FNDC1: variants seen among roughly 807,000 people sequenced by gnomAD.
FNDC1 encodes fibronectin type III domain containing 1.
FNDC1 carries 96 observed loss-of-function variants against 168.0 expected under a neutral mutation model. The observed-to-expected ratio is 0.57, with a 90% CI of 0.48 to 0.68. The LOEUF (loss-of-function observed/expected upper bound fraction) is 0.68, where lower values mean the gene tolerates loss of function less well. FNDC1 is among the 30% of genes least tolerant of loss of function. The pLI, the probability that FNDC1 is intolerant of heterozygous loss-of-function variation, is 0.00. For synonymous variants in FNDC1, 1,099 were observed against 1,025.9 expected (o/e 1.07, Z -1.36); for missense variants, 2,587 against 2,482.1 (o/e 1.04, Z -0.90).
rs1283200757 is a variant in FNDC1, at chr6:159,232,467, G to T, written c.1955G>T (p.Arg652Leu). Reference protein sequence around the residue: ...NDLVDSDEDERAVGSLHPKGA... With the variant: ...NDLVDSDEDELAVGSLHPKGA... ...TTGGTGGACTCAGACGAAGATGAGC[G>T]CGCTGTGGGCTCCCTCCACCCCAAG... is the stretch of plus-strand genomic sequence containing the variant. The change falls in exon 11 of 23, where the codon CGC becomes CTC. Residue 652 changes from arginine to leucine, a missense_variant. Arg to Leu is a moderately radical substitution (Grantham distance 102). Coordinates refer to ENST00000297267, the MANE Select transcript of FNDC1 (RefSeq NM_032532.3). This position sits in a 1 kb window ranked among gnomAD's most constrained non-coding sequence, Gnocchi z 4.9. The T allele has an allele frequency of 6.2e-7, 1 of 1,612,248 alleles. No individual in the cohort carries two copies. Among genetic ancestry groups the T allele is most frequent in the Non-Finnish European group, 8.5e-7 (1 of 1,179,008 alleles).
chr6:159,248,761 T>G (rs1777191656), intron 15 of FNDC1, among the ~76,000 whole-genome samples: 2 of 152,212 alleles, frequency 1.3e-5, no homozygotes, highest in Admixed American at 6.5e-5. Context: ...CAGCTCTGAG[T>G]CTAAAACCCC....
At chr6:159,238,166 C>T (rs1583900683) in intron 12 of FNDC1, among the ~76,000 whole-genome samples, 1 of 150,920 alleles carries the variant, frequency 6.6e-6, no homozygotes, top group Non-Finnish European at 1.5e-5. Flanking sequence ...GGCGCGATCT[C>T]GGCTCACTGC....
intron 5 of FNDC1, 29 bp downstream of exon 5, chr6:159,215,180 G>A: frequency 6.3e-7 from 1 of 1,584,814 alleles, no homozygotes; most frequent in Non-Finnish European, 8.7e-7. Context: ...GGTATTCAAT[G>A]TTTCCATGGT....
In FNDC1 at chr6:159,233,705, C is replaced by T. The variant is rs201839960; in HGVS notation, c.3193C>T (p.Pro1065Ser). 83 of 1,549,804 alleles carry T rather than the reference C, an allele frequency of 5.4e-5. No individual in the cohort carries two copies. In the East Asian group the frequency reaches 1.3e-3, roughly 25 times the overall value. The stretch of plus-strand genomic sequence containing the variant: ...CACGGCGAGCTCCAGAGGGATGCTC[C>T]CCACGGCCCTCCAGAACCAGGACGA... ...PYTASSRGML[P>S]TALQNQDEDA... is the part of the protein sequence containing the mutation. Residue 1065 changes from proline (P) to serine (S), a missense_variant, in exon 11 of 23, where the codon CCC becomes TCC. By Grantham distance (74) the Pro-to-Ser change is moderately conservative. Transcript: ENST00000297267. The surrounding 1 kb of genome is among the most constrained non-coding windows in gnomAD (Gnocchi z 4.6).
At chr6:159,183,491 G>A (rs1781925282) in intron 1 of FNDC1, among the ~76,000 whole-genome samples, 1 of 152,230 alleles carries the variant, frequency 6.6e-6, no homozygotes, top group South Asian at 2.1e-4. Flanking sequence ...GGGGAAGCCA[G>A]GCTGGAGTTG....
At chr6:159,243,995 A>G (rs758106253) in intron 14 of FNDC1, among the ~76,000 whole-genome samples, 2 of 152,216 alleles carry the variant, frequency 1.3e-5, no homozygotes, top group East Asian at 1.9e-4. Context: ...GGAGTTACCC[A>G]TAACACCAGA....
chr6:159,221,400 A>G (rs1032734493), intron 5 of FNDC1, among the ~76,000 whole-genome samples, 198 bp from the exon 6 acceptor site: 8 of 152,198 alleles, frequency 5.3e-5, no homozygotes, highest in African/African-American at 1.9e-4. Flanking sequence ...CTAACATAAT[A>G]GTGTTCTTTT....
At chr6:159,234,567 G>A (rs905299061) in intron 11 of FNDC1, 88 bp downstream of exon 11, 15 of 1,204,476 alleles carry the variant, frequency 1.2e-5, no homozygotes, top group Non-Finnish European at 1.7e-5. Flanking sequence ...ATTGCATTTA[G>A]CACCTACTAT....
chr6:159,171,597 A>T (rs989743631), intron 1 of FNDC1, among the ~76,000 whole-genome samples: 11 of 152,226 alleles, frequency 7.2e-5, no homozygotes, highest in Non-Finnish European at 1.2e-4. Flanking sequence ...TGCTTAAAGC[A>T]GGACACACTG....
chr6:159,176,008 C>T (rs182572848), intron 1 of FNDC1, among the ~76,000 whole-genome samples: 44 of 152,306 alleles, frequency 2.9e-4, no homozygotes, highest in African/African-American at 9.1e-4. Context: ...ATGCTCACAG[C>T]GTTAAAGTGT....
At chr6:159,241,064 A>T (rs918197597) in intron 14 of FNDC1, 3 of 152,210 alleles carry the variant, frequency 2.0e-5, no homozygotes, top group African/African-American at 7.2e-5. Flanking sequence ...GGAAAACTTG[A>T]CACATCTAAA....
chr6:159,210,368 A>G (rs939846985), intron 4 of FNDC1, among the ~76,000 whole-genome samples: 1 of 152,156 alleles, frequency 6.6e-6, no homozygotes, highest in African/African-American at 2.4e-5. Flanking sequence ...ATGTTCCCTT[A>G]GCCTTTCTGA....
chr6:159,216,274 C>A (rs1370652445), intron 5 of FNDC1, among the ~76,000 whole-genome samples: 3 of 152,214 alleles, frequency 2.0e-5, no homozygotes, highest in Non-Finnish European at 4.4e-5. Flanking sequence ...TACTTTGTAT[C>A]CTTTAATCCA....
In FNDC1 at chr6:159,234,414, G is replaced by C. The variant is rs1207455696; in HGVS notation, c.3902G>C (p.Arg1301Thr). 3 of 1,613,556 alleles carry C rather than the reference G, an allele frequency of 1.9e-6. No individual in the cohort carries two copies. In the African/African-American group the frequency reaches 4.0e-5, roughly 22 times the overall value. ...STTPMLSLRQ[R>T]MMHARFRNPL... ...ACCCCGATGCTGTCCTTGCGCCAGAGGATGATGCATGCCAGATTCCGTAAC... is the reference window on the plus strand; with the variant it reads ...ACCCCGATGCTGTCCTTGCGCCAGACGATGATGCATGCCAGATTCCGTAAC... The change falls in exon 11 of 23, where the codon AGG (arginine) becomes ACG (threonine). Residue 1301 changes from arginine (R) to threonine (T), a missense_variant. Transcript: ENST00000297267.
Position 159,271,398 on chromosome 6 carries a change from G to A in FNDC1, c.5641G>A (p.Val1881Met), listed in dbSNP as rs1777745342. 3.1e-6 allele frequency: 5 copies of A among 1,612,442 alleles called. No homozygotes were observed. Among genetic ancestry groups the A allele is most frequent in the Admixed American group, 1.7e-5 (1 of 59,864 alleles). The change falls in exon 23 of 23, where the codon GTG (valine) becomes ATG (methionine). Residue 1881 changes from valine (V) to methionine (M), a missense_variant. Transcript: ENST00000297267. Reference sequence around the variant, plus strand: ...CGGCTTCGGAACCCCCTACTACTATGTGGGCTGGTACGAGTGTGGGGTCTC... The same window carrying A: ...CGGCTTCGGAACCCCCTACTACTATATGGGCTGGTACGAGTGTGGGGTCTC... ...NIGFGTPYYY[V>M]GWYECGVSIP...
chr6:159,204,860 G>A lies in FNDC1; in HGVS notation c.460+4279G>A, dbSNP rs1220121902. ...TATGCCACAGTGGCTAGTCCAAAATGTCACCACTGTGCTCCAGCCCATTTC... is the reference window on the plus strand; with the variant it reads ...TATGCCACAGTGGCTAGTCCAAAATATCACCACTGTGCTCCAGCCCATTTC... On this transcript the variant is annotated intron_variant, in intron 4 of 22. Transcript: ENST00000297267. Among the ~76,000 whole-genome samples the A allele has an allele frequency of 3.9e-5, 6 of 152,152 alleles. No homozygotes were observed. In the East Asian group the frequency reaches 9.6e-4, roughly 24 times the overall value.
At chr6:159,192,630 G>T (rs1782164973) in intron 1 of FNDC1, among the ~76,000 whole-genome samples, 2 of 152,212 alleles carry the variant, frequency 1.3e-5, no homozygotes, top group South Asian at 2.1e-4. Context: ...ATTTCATTCT[G>T]AAAGTGTTCA....
At chr6:159,254,056 C>A (rs1281746671) in intron 17 of FNDC1, among the ~76,000 whole-genome samples, 1 of 152,210 alleles carries the variant, frequency 6.6e-6, no homozygotes, top group Admixed American at 6.5e-5. Context: ...GTGGGGAGGG[C>A]TCCAGGGTCC....
intron 16 of FNDC1, among the ~76,000 whole-genome samples, chr6:159,249,435 TA>T (rs1191225121): frequency 6.6e-6 from 1 of 152,216 alleles, no homozygotes; most frequent in Non-Finnish European, 1.5e-5. Context: ...TTGCATAGAC[TA>T]AGAGTAAGAA....
Sources: allele counts gnomAD v4.1 joint callset (sites outside exome capture counted in the v4.1 genomes callset), GRCh38; gene constraint gnomAD v4.1.1; non-coding constraint Gnocchi (gnomAD v3.1); transcripts MANE v1.5; gene names NCBI Gene and HGNC (gene_info 2026-07-23, HGNC 2026-07-21).